The following SEMA6C variants were observed in gnomAD, a reference collection of about 807,000 sequenced individuals.
SEMA6C encodes semaphorin-6C.
SEMA6C carries 37 observed loss-of-function variants against 72.9 expected under a neutral mutation model. That is an observed-to-expected ratio of 0.51 (90% CI 0.39 to 0.67). SEMA6C has a LOEUF of 0.67. Among genes scored for constraint, SEMA6C ranks in the 30% least tolerant of loss-of-function variants. The pLI is 0.00. For synonymous variants in SEMA6C, 578 were observed against 554.1 expected, an observed-to-expected ratio of 1.04 and a Z score of -0.61; for missense variants, 1,189 against 1,263.6, an observed-to-expected ratio of 0.94 and a Z score of 0.89.
At position 151,139,448 on chromosome 1, in the gene SEMA6C, AG is replaced by A; in HGVS notation, c.330del (p.Cys111ValfsTer7). On this transcript the variant is annotated frameshift_variant, in exon 6 of 19. Transcript: ENST00000368914. LOFTEE classifies it high-confidence loss of function. ...ACCGTCAGCTTTCCCCGTACAGCAC[AG>A]TTCTCCACATCTTGGCTTCTCCATG... is the stretch of plus-strand genomic sequence containing the variant. ...YLTWRSQDVE[N>X]CAVRGKLTDE... is the part of the protein sequence containing the mutation. The A allele has an allele frequency of 6.2e-7, 1 of 1,614,146 alleles. No homozygotes were observed. Among genetic ancestry groups the A allele is most frequent in the East Asian group, 2.2e-5 (1 of 44,888 alleles).
chr1:151,139,828 C>G (rs1682381333), intron 4 of SEMA6C, 127 bp from the exon 5 acceptor site: 1 of 1,232,880 alleles, frequency 8.1e-7, no homozygotes, highest in Non-Finnish European at 1.1e-6. Flanking sequence ...CATGCCTTGG[C>G]ATTTGTGCTC....
rs1285171697 is a variant in SEMA6C, at chr1:151,138,700, A to G, written c.386T>C (p.Val129Ala). The G allele has an allele frequency of 1.2e-6, 2 of 1,614,150 alleles. No individual in the cohort carries two copies. The highest frequency in any genetic ancestry group is 1.7e-6 in the Non-Finnish European group (2 of 1,179,960). The change falls in exon 7 of 19, where the codon GTT becomes GCT. Residue 129 changes from valine to alanine, a missense_variant. Coordinates refer to ENST00000368914, the MANE Select transcript of SEMA6C (RefSeq NM_030913.6). ...DECYNYIRVLVPWDSQTLLAC... is the reference protein window; with the variant it reads ...DECYNYIRVLAPWDSQTLLAC... ...AAGGAGCGTCTGGGAGTCCCAGGGA[A>G]CAAGAACACGAATATAGTTGTAGCA...
intron 6 of SEMA6C, among the ~76,000 whole-genome samples, chr1:151,139,149 G>A (rs192527699): frequency 6.9e-4 from 105 of 151,814 alleles, no homozygotes; most frequent in African/African-American, 2.4e-3. Flanking sequence ...CTCCTCTGGA[G>A]CCCAACAGAG....
chr1:151,141,070 C>A (rs2101644291), intron 3 of SEMA6C, among the ~76,000 whole-genome samples: 1 of 152,140 alleles, frequency 6.6e-6, no homozygotes, highest in East Asian at 1.9e-4. Context: ...TCTTATATAT[C>A]CCTCAACAAT....
rs1211494313 is a variant in SEMA6C at position 151,133,675 on chromosome 1, C to G, written c.1760-158G>C. The stretch of plus-strand genomic sequence containing the variant: ...CCTCCACCATCCTCAGGATTCACCT[C>G]TCCTGACTCCTCAGCATACAGCCCA... On this transcript the variant is annotated intron_variant, in intron 18 of 18. Coordinates refer to ENST00000368914, the MANE Select transcript of SEMA6C (RefSeq NM_030913.6). The surrounding 1 kb of genome is among the most constrained non-coding windows in gnomAD (Gnocchi z 5.9). Among the ~76,000 whole-genome samples the G allele has an allele frequency of 6.6e-6, 1 of 152,222 alleles. No individual in the cohort carries two copies. The highest frequency in any genetic ancestry group is 2.4e-5 in the African/African-American group (1 of 41,448).
At position 151,132,628 on chromosome 1, in the gene SEMA6C, G is replaced by A; in HGVS notation, c.2649C>T (p.Leu883=). The A allele has an allele frequency of 6.4e-7, 1 of 1,550,914 alleles. No individual in the cohort carries two copies. The highest frequency in any genetic ancestry group is 1.4e-5 in the African/African-American group (1 of 73,212). The change falls in exon 19 of 19, where the codon CTC becomes CTT. Residue 883 remains leucine, a synonymous_variant. Coordinates refer to ENST00000368914, the MANE Select transcript of SEMA6C (RefSeq NM_030913.6). Reference sequence around the variant, plus strand: ...AGCCCTCGGGCCGGCCCAGGTACAGGAGGTGCTTCCCGGGACCCCCGGAGT... The same window carrying A: ...AGCCCTCGGGCCGGCCCAGGTACAGAAGGTGCTTCCCGGGACCCCCGGAGT... ...SRYSGGPGKH[L]LYLGRPEGYR... is the part of the protein sequence containing the mutation.
rs1312643386 is a variant in SEMA6C, at chr1:151,135,612, A to G, written c.1412T>C (p.Ile471Thr). Residue 471 changes from isoleucine (I) to threonine (T), a missense_variant, in exon 14 of 19, where the codon ATT (isoleucine) becomes ACT (threonine). By Grantham distance (89) the Ile-to-Thr change is moderately conservative. Transcript: ENST00000368914. Reference protein sequence around the residue: ...GGPEPILLEEIDAYSPARCSG... With the variant: ...GGPEPILLEETDAYSPARCSG... ...TCACCGGGCAGGGCTGTAGGCATCAATCTCTTCCAGGAGGATGGGCTCAGG... is the reference window on the plus strand; with the variant it reads ...TCACCGGGCAGGGCTGTAGGCATCAGTCTCTTCCAGGAGGATGGGCTCAGG... 2.5e-6 allele frequency: 4 copies of G among 1,613,872 alleles called. No homozygotes were observed. The highest frequency in any genetic ancestry group is 1.3e-5 in the African/African-American group (1 of 74,926).
intron 2 of SEMA6C, 96 bp from the exon 3 acceptor site, chr1:151,142,771 C>T: frequency 1.6e-6 from 1 of 612,028 alleles, no homozygotes; most frequent in Non-Finnish European, 2.8e-6. Flanking sequence ...CCCCAGAAGA[C>T]CCTGTGGGGT....
chr1:151,140,928 G>T (rs1034162855), intron 3 of SEMA6C, among the ~76,000 whole-genome samples: 2 of 151,858 alleles, frequency 1.3e-5, no homozygotes, highest in Non-Finnish European at 2.9e-5. Flanking sequence ...AACCCAGGAG[G>T]CGGAGCTTGC....
chr1:151,140,977 A>G (rs1471455595), intron 3 of SEMA6C, among the ~76,000 whole-genome samples: 17 of 148,258 alleles, frequency 1.1e-4, no homozygotes, highest in East Asian at 2.0e-4. Flanking sequence ...TAGCCTGGGC[A>G]ACAGTGCAAG....
rs751361035 is a variant in SEMA6C at position 151,137,008 on chromosome 1, G to A, written c.823C>T (p.Arg275Cys). The change falls in exon 11 of 19, where the codon CGC becomes TGC. Residue 275 changes from arginine to cysteine, a missense_variant. This residue lies in a region of SEMA6C where 468 missense variants were observed against 577.4 expected (regional missense o/e 0.81). Coordinates refer to ENST00000368914, the MANE Select transcript of SEMA6C (RefSeq NM_030913.6). ...DMGGSPRALD[R>C]HWTSFLKLRL... The stretch of plus-strand genomic sequence containing the variant: ...AGCTTCAGGAAGGATGTCCAGTGGC[G>A]GTCCAAGGCCCGAGGCGAGCCGCCC... 1.1e-4 allele frequency: 178 copies of A among 1,613,984 alleles called. No homozygotes were observed. The highest frequency in any genetic ancestry group is 1.4e-4 in the Non-Finnish European group (169 of 1,180,036).
At chr1:151,136,720 A>G (rs1572030632) in intron 11 of SEMA6C, 137 bp downstream of exon 11, 3 of 1,353,710 alleles carry the variant, frequency 2.2e-6, no homozygotes, top group East Asian at 4.6e-5. Context: ...CCACACTAGG[A>G]GAAAAAATGG....
At position 151,132,915 on chromosome 1, in the gene SEMA6C, C is replaced by G; in HGVS notation, c.2362G>C (p.Ala788Pro). The G allele has an allele frequency of 7.3e-7, 1 of 1,377,176 alleles. No individual in the cohort carries two copies. 85.3% of individuals were successfully genotyped at this position (1,377,176 alleles called of 1,614,324 possible). A position where few individuals can be genotyped will look rare whatever the true frequency, so the allele number is the denominator to read the frequency against. ...GGGAGCGCCCGCGAGGTTAAAGGGG[C>G]GGGGGGCTCGGCCCCCTTTCTGGGC... The part of the protein sequence containing the change: ...QPPRKGAEPP[A>P]PLTSRALPPE... The change falls in exon 19 of 19, where the codon GCC becomes CCC. Residue 788 changes from alanine to proline, a missense_variant. Coordinates refer to ENST00000368914, the MANE Select transcript of SEMA6C (RefSeq NM_030913.6).
chr1:151,137,950 C>T (rs761873417), intron 9 of SEMA6C, 36 bp downstream of exon 9: 1 of 1,606,370 alleles, frequency 6.2e-7, no homozygotes, highest in Non-Finnish European at 8.5e-7. Context: ...TGCCTCCTCC[C>T]CAATAACAGT....
chr1:151,146,167 T>C lies in SEMA6C; in HGVS notation c.-105+266A>G, dbSNP rs1294613821. The C allele has an allele frequency of 2.6e-5, 4 of 152,176 alleles. No individual in the cohort carries two copies. The highest frequency in any genetic ancestry group is 5.9e-5 in the Non-Finnish European group (4 of 68,058). The allele number at this position is 152,176 out of a possible 1,614,324, so 9.4% of individuals were successfully genotyped here. On this transcript the variant is annotated intron_variant, in intron 1 of 18. Transcript: ENST00000368914. This position sits in a 1 kb window ranked among gnomAD's most constrained non-coding sequence, Gnocchi z 4.6. ...GCCTCAAATAATCCCTTTTCGCGCT[T>C]CCCAGTCCAGCGGGATGCGACTCGA... is the stretch of plus-strand genomic sequence containing the variant.
chr1:151,135,541 C>T lies in SEMA6C; in HGVS notation c.1433+50G>A, dbSNP rs200673469. 31 of 1,569,366 alleles carry T rather than the reference C, an allele frequency of 2.0e-5. No homozygotes were observed. The African/African-American group carries it at 4.1e-4, about 21-fold the overall frequency. On this transcript the variant is annotated intron_variant, in intron 14 of 18. Coordinates refer to ENST00000368914, the MANE Select transcript of SEMA6C (RefSeq NM_030913.6). ...CTATTCCCGAATCTGCAGCTGCTAC[C>T]TCCCATCCCCTCCCTGCTTTGCAGG...
Position 151,137,812 on chromosome 1 carries a change from A to G in SEMA6C, c.668-13T>C. 6.2e-7 allele frequency: 1 copy of G among 1,611,876 alleles called. No individual in the cohort carries two copies. The highest frequency in any genetic ancestry group is 8.5e-7 in the Non-Finnish European group (1 of 1,178,368). On this transcript the variant is annotated splice_polypyrimidine_tract_variant and intron_variant, in intron 9 of 18. Transcript: ENST00000368914. ...ACAAAGTGTGGCTCTAAGATGGGGA[A>G]TGACAGGAAAGGGTATAGAAGAGTA...
At position 151,135,278 on chromosome 1, in the gene SEMA6C, G is replaced by T; in HGVS notation, c.1465C>A (p.Arg489=). 1 of 1,614,178 alleles carries T rather than the reference G, an allele frequency of 6.2e-7. No individual in the cohort carries two copies. The highest frequency in any genetic ancestry group is 8.5e-7 in the Non-Finnish European group (1 of 1,180,012). ...CSGKRTAQTA[R]RIIGLELDTE... ...TCCAGCTCCAGCCCTATGATCCGTC[G>T]TGCTGTTTGGGCTGTCCGCTTCCCA... The change falls in exon 15 of 19, where the codon CGA becomes AGA. Residue 489 remains arginine (R), a synonymous_variant. Coordinates refer to ENST00000368914, the MANE Select transcript of SEMA6C (RefSeq NM_030913.6).
At chr1:151,139,762 C>CAGCT in intron 4 of SEMA6C, 61 bp from the exon 5 acceptor site, 1 of 1,490,052 alleles carries the variant, frequency 6.7e-7, no homozygotes, top group African/African-American at 1.4e-5. Flanking sequence ...TACCCACAGT[C>CAGCT]AGCTGTTCAG....
Sources: allele counts gnomAD v4.1 joint callset (sites outside exome capture counted in the v4.1 genomes callset), GRCh38; gene constraint gnomAD v4.1.1; regional missense constraint gnomAD v4.1.1; non-coding constraint Gnocchi (gnomAD v3.1); transcripts MANE v1.5; gene names NCBI Gene and HGNC (gene_info 2026-07-23, HGNC 2026-07-21).